The following PPP2R2B variants were observed in gnomAD, a reference collection of about 807,000 sequenced individuals.
The protein encoded by PPP2R2B is protein phosphatase 2 regulatory subunit Bbeta.
In PPP2R2B, 5 loss-of-function variants were observed where a neutral mutation model predicts 46.0. The ratio of observed to expected loss-of-function variants is 0.11; its 90% CI spans 0.06 to 0.23. PPP2R2B has a LOEUF of 0.23. Among genes scored for constraint, PPP2R2B ranks in the 10% least tolerant of loss-of-function variants. The probability of loss-of-function intolerance (pLI) is 1.00; values close to 1 mark genes in which losing one functional copy is unlikely to be tolerated. For missense variants in PPP2R2B, 367 were observed against 575.0 expected, an observed-to-expected ratio of 0.64 and a Z score of 3.70; for synonymous variants, 215 against 206.7, an observed-to-expected ratio of 1.04 and a Z score of -0.34.
intron 2 of PPP2R2B, among the ~76,000 whole-genome samples, chr5:146,810,213 C>A (rs1757441484): frequency 6.6e-6 from 1 of 152,072 alleles, no homozygotes; most frequent in Non-Finnish European, 1.5e-5. Flanking sequence ...TGAGACTGGG[C>A]AATTTACAAA....
intron 2 of PPP2R2B, among the ~76,000 whole-genome samples, chr5:146,759,516 C>T (rs1754030104): frequency 6.6e-6 from 1 of 152,148 alleles, no homozygotes; most frequent in African/African-American, 2.4e-5. Flanking sequence ...CCCACCTTCA[C>T]CCCCACCTCC....
At chr5:146,666,413 G>A (rs1489363507) in intron 5 of PPP2R2B, among the ~76,000 whole-genome samples, 1 of 152,216 alleles carries the variant, frequency 6.6e-6, no homozygotes, top group Non-Finnish European at 1.5e-5. Context: ...AAAAGGAAGG[G>A]AAGACATCAT....
intron 2 of PPP2R2B, among the ~76,000 whole-genome samples, chr5:146,874,528 T>C (rs1044835083): frequency 5.9e-5 from 9 of 152,248 alleles, no homozygotes; most frequent in Admixed American, 5.2e-4. Flanking sequence ...GCTTGAGTGC[T>C]TTCTCTGCAT....
Position 146,585,530 on chromosome 5 carries a change from G to A in PPP2R2B, c.*4417C>T, listed in dbSNP as rs1171411745. 3 of 152,242 alleles carry A rather than the reference G, an allele frequency of 2.0e-5. No individual in the cohort carries two copies. Among genetic ancestry groups the A allele is most frequent in the Non-Finnish European group, 4.4e-5 (3 of 68,044 alleles). 9.4% of individuals were successfully genotyped at this position (152,242 alleles called of 1,614,324 possible). A position where few individuals can be genotyped will look rare whatever the true frequency, so the allele number is the denominator to read the frequency against. On this transcript the variant is annotated 3_prime_UTR_variant, in exon 10 of 10. Transcript: ENST00000394411. Reference sequence around the variant, plus strand: ...TGCTCAATAAATGTTAGCAACTATTGTATGTTAGAGCTGTATTTTAACAGC... The same window carrying A: ...TGCTCAATAAATGTTAGCAACTATTATATGTTAGAGCTGTATTTTAACAGC...
intron 1 of PPP2R2B, among the ~76,000 whole-genome samples, chr5:146,932,983 A>G (rs745773709): frequency 4.6e-5 from 7 of 152,190 alleles, no homozygotes; most frequent in Non-Finnish European, 8.8e-5. Flanking sequence ...ACAGCCCAGG[A>G]AACTGTTTCT....
chr5:146,663,063 T>C (rs1776765512), intron 5 of PPP2R2B, among the ~76,000 whole-genome samples: 1 of 152,194 alleles, frequency 6.6e-6, no homozygotes, highest in African/African-American at 2.4e-5. Context: ...CCAGTCACTG[T>C]TATAAGTCTT....
chr5:146,736,876 T>TGGG lies in PPP2R2B; in HGVS notation c.71-35735_71-35734insCCC, dbSNP rs1752569340. On this transcript the variant is annotated intron_variant, in intron 2 of 9. Coordinates refer to ENST00000394411, the MANE Select transcript of PPP2R2B (RefSeq NM_181675.4). ...TTCTTTTTAGAACCTATAACATACATTTACTCTCTAACCCAGGACTGTTCA... is the reference window on the plus strand; with the variant it reads ...TTCTTTTTAGAACCTATAACATACATGGGTTACTCTCTAACCCAGGACTGTTCA... Among the ~76,000 whole-genome samples the TGGG allele has an allele frequency of 3.3e-5, 5 of 152,300 alleles. No homozygotes were observed. In the East Asian group the frequency reaches 9.6e-4, roughly 29 times the overall value.
At chr5:146,941,256 TCTGGCTAACTG>T (rs1236449982) in intron 1 of PPP2R2B, among the ~76,000 whole-genome samples, 1 of 152,202 alleles carries the variant, frequency 6.6e-6, no homozygotes, top group Non-Finnish European at 1.5e-5. Context: ...CACAATGCAT[TCTGGCTAACTG>T]CTATGTGGTT....
intron 2 of PPP2R2B, among the ~76,000 whole-genome samples, chr5:146,714,590 G>A (rs573099345): frequency 2.0e-5 from 3 of 152,290 alleles, no homozygotes; most frequent in Admixed American, 6.5e-5. Flanking sequence ...GGCCAGGAAT[G>A]AGGACTGGTC....
At chr5:147,030,759 C>T (rs973646023) in intron 1 of PPP2R2B, among the ~76,000 whole-genome samples, 10 of 152,126 alleles carry the variant, frequency 6.6e-5, no homozygotes, top group Non-Finnish European at 1.3e-4. Context: ...AACTTTAACT[C>T]CCTTAATCCC....
chr5:146,681,995 T>C (rs983334626), intron 5 of PPP2R2B, among the ~76,000 whole-genome samples: 16 of 152,314 alleles, frequency 1.1e-4, no homozygotes, highest in Non-Finnish European at 1.5e-4. Context: ...ATGGGAGGTG[T>C]CCTTTATTAG....
intron 7 of PPP2R2B, among the ~76,000 whole-genome samples, chr5:146,602,613 T>C (rs1168261771): frequency 6.6e-6 from 1 of 152,208 alleles, no homozygotes; most frequent in Non-Finnish European, 1.5e-5. Flanking sequence ...TAGTCAGTAA[T>C]GAATTCTATA....
intron 8 of PPP2R2B, among the ~76,000 whole-genome samples, chr5:146,593,962 T>C (rs888241958): frequency 1.3e-5 from 2 of 152,182 alleles, no homozygotes; most frequent in Admixed American, 6.5e-5. Flanking sequence ...TGAGCAGTGA[T>C]GGGGACTGGT....
rs540700170 is a variant in PPP2R2B, at chr5:146,595,135, T to G, written c.961-2073A>C. On this transcript the variant is annotated intron_variant, in intron 8 of 9. Coordinates refer to ENST00000394411, the MANE Select transcript of PPP2R2B (RefSeq NM_181675.4). ...CTCACTTCCAAACAGTTCCAGGCCT[T>G]GTCAGGGTAACAGCTTCAGTGCTTT... 2.0e-4 allele frequency among the ~76,000 whole-genome samples: 30 copies of G among 152,328 alleles called. No homozygotes were observed. In the Middle Eastern group the frequency reaches 0.014, roughly 69 times the overall value.
At chr5:146,864,144 A>G (rs927232317) in intron 2 of PPP2R2B, among the ~76,000 whole-genome samples, 1 of 152,172 alleles carries the variant, frequency 6.6e-6, no homozygotes, top group Non-Finnish European at 1.5e-5. Flanking sequence ...TCTATTTCAC[A>G]ATTATTACAG....
At chr5:146,990,858 A>G (rs527369469) in intron 1 of PPP2R2B, among the ~76,000 whole-genome samples, 21 of 152,214 alleles carry the variant, frequency 1.4e-4, no homozygotes, top group African/African-American at 4.3e-4. Flanking sequence ...ATGATTCAAT[A>G]GCAAAAAAAG....
chr5:146,639,780 AGCTTT>A (rs1473242266), intron 6 of PPP2R2B, among the ~76,000 whole-genome samples: 1 of 152,148 alleles, frequency 6.6e-6, no homozygotes, highest in Non-Finnish European at 1.5e-5. Context: ...TTCTTTACTT[AGCTTT>A]ATCTAAACAG....
At chr5:146,880,824 A>G (rs1240348556), upstream of PPP2R2B, among the ~76,000 whole-genome samples, 1 of 152,218 alleles carries the variant, frequency 6.6e-6, no homozygotes, top group Non-Finnish European at 1.5e-5. Context: ...TTTATTCAAC[A>G]GTCCAGGCAT....
chr5:146,838,007 C>T (rs1449997452), intron 2 of PPP2R2B, among the ~76,000 whole-genome samples: 1 of 152,098 alleles, frequency 6.6e-6, no homozygotes, highest in Non-Finnish European at 1.5e-5. Flanking sequence ...TTTAAGAGTC[C>T]CTGGTAAGTA....
Sources: allele counts gnomAD v4.1 joint callset (sites outside exome capture counted in the v4.1 genomes callset), GRCh38; gene constraint gnomAD v4.1.1; transcripts MANE v1.5; gene names NCBI Gene and HGNC (gene_info 2026-07-23, HGNC 2026-07-21).